PRICKLE2: variants seen among roughly 807,000 people sequenced by gnomAD.
The protein encoded by PRICKLE2 is prickle planar cell polarity protein 2.
PRICKLE2 carries 21 observed loss-of-function variants against 81.4 expected under a neutral mutation model. The observed-to-expected ratio is 0.26, with a 90% CI of 0.18 to 0.37. PRICKLE2 has a LOEUF of 0.37. Among genes scored for constraint, PRICKLE2 ranks in the 10% least tolerant of loss-of-function variants. PRICKLE2 has a pLI of 1.00. For synonymous variants in PRICKLE2, 456 were observed against 421.5 expected (o/e 1.08, Z -1.00); for missense variants, 940 against 1,109.0 (o/e 0.85, Z 2.16).
chr3:64,205,112 A>AAAAC (rs2078660171), intron 1 of PRICKLE2, among the ~76,000 whole-genome samples: 1 of 151,650 alleles, frequency 6.6e-6, no homozygotes, highest in Non-Finnish European at 1.5e-5. Context: ...AAAAAAAAAA[A>AAAAC]AAAACATACA....
intron 6 of PRICKLE2, among the ~76,000 whole-genome samples, chr3:64,152,801 T>C (rs2077568393): frequency 6.6e-6 from 1 of 152,214 alleles, no homozygotes; most frequent in South Asian, 2.1e-4. Context: ...GAAAAGATTC[T>C]TATTTGGAAG....
intron 1 of PRICKLE2, among the ~76,000 whole-genome samples, chr3:64,202,043 T>C (rs1483368130): frequency 1.3e-5 from 2 of 152,198 alleles, no homozygotes; most frequent in Non-Finnish European, 2.9e-5. Flanking sequence ...CTACTGACCA[T>C]AGCTGTAAGA....
At chr3:64,232,477 C>A (rs1024325951) in intron 2 of PRICKLE2, among the ~76,000 whole-genome samples, 1 of 145,718 alleles carries the variant, frequency 6.9e-6, no homozygotes, top group Non-Finnish European at 1.5e-5. Context: ...GTTCAGCTCA[C>A]TGAAACACTT....
At chr3:64,137,204 G>A (rs1021860824) in intron 7 of PRICKLE2, among the ~76,000 whole-genome samples, 1 of 152,030 alleles carries the variant, frequency 6.6e-6, no homozygotes, top group Non-Finnish European at 1.5e-5. Flanking sequence ...AATGGCTTGA[G>A]TTTTAAAGCC....
At position 64,182,886 on chromosome 3, in the gene PRICKLE2, T is replaced by TA. The variant is rs1435988355; in HGVS notation, c.144+15897dup. On this transcript the variant is annotated intron_variant, in intron 2 of 7. Coordinates refer to ENST00000638394, the MANE Select transcript of PRICKLE2 (RefSeq NM_198859.4). ...ATGAAGAAAACTGGGAAGGCTTCAT[T>TA]AAAAAAAATAGAACACAAGAAAACA... 5.3e-5 allele frequency among the ~76,000 whole-genome samples: 8 copies of TA among 151,032 alleles called. 1 individual carries two copies. The highest frequency in any genetic ancestry group is 1.7e-4 in the African/African-American group (7 of 41,062).
At chr3:64,234,089 T>A (rs1016464151) in intron 2 of PRICKLE2, among the ~76,000 whole-genome samples, 2 of 152,178 alleles carry the variant, frequency 1.3e-5, no homozygotes, top group Non-Finnish European at 2.9e-5. Context: ...TTGGGTTGTT[T>A]CCAGTCTTTA....
At chr3:64,137,906 G>T (rs1329176595) in intron 7 of PRICKLE2, among the ~76,000 whole-genome samples, 1 of 152,122 alleles carries the variant, frequency 6.6e-6, no homozygotes, top group Non-Finnish European at 1.5e-5. Flanking sequence ...TAACCATTGA[G>T]TGAGAAGGCT....
At chr3:64,250,944 G>A (rs546130199) in intron 2 of PRICKLE2, among the ~76,000 whole-genome samples, 2 of 152,098 alleles carry the variant, frequency 1.3e-5, no homozygotes, top group African/African-American at 4.8e-5. Flanking sequence ...TTCTTTGCAG[G>A]AGCACCCTCA....
chr3:64,094,924 C>T lies in PRICKLE2; in HGVS notation c.*4127G>A, dbSNP rs2076549544. 1 of 152,636 alleles carries T rather than the reference C, an allele frequency of 6.6e-6. No homozygotes were observed. Among genetic ancestry groups the T allele is most frequent in the African/African-American group, 2.4e-5 (1 of 41,452 alleles). 9.5% of individuals were successfully genotyped at this position (152,636 alleles called of 1,614,324 possible). A position where few individuals can be genotyped will look rare whatever the true frequency, so the allele number is the denominator to read the frequency against. ...AAGCCCTGAAGGTGCAAAACAGTTG[C>T]TAATAGCAACTGTCCTGGCATGAAG... On this transcript the variant is annotated 3_prime_UTR_variant, in exon 8 of 8. Transcript: ENST00000638394.
At chr3:64,103,912 G>A (rs1274942242) in intron 7 of PRICKLE2, among the ~76,000 whole-genome samples, 1 of 152,108 alleles carries the variant, frequency 6.6e-6, no homozygotes. Flanking sequence ...CCCAGGAGGT[G>A]GAGGCTGCAG....
upstream of PRICKLE2, chr3:64,225,520 C>A: frequency 1.1e-6 from 1 of 887,886 alleles, no homozygotes; most frequent in Non-Finnish European, 1.3e-6. Flanking sequence ...TCAGTCACGG[C>A]ATCTGGACGT....
intron 6 of PRICKLE2, among the ~76,000 whole-genome samples, chr3:64,152,818 C>T (rs2077568481): frequency 6.6e-6 from 1 of 152,092 alleles, no homozygotes; most frequent in South Asian, 2.1e-4. Flanking sequence ...GAAGAACTGA[C>T]CTGAAAACTG....
intron 1 of PRICKLE2, among the ~76,000 whole-genome samples, 197 bp downstream of exon 1, chr3:64,224,712 TA>T (rs1430162850): frequency 6.6e-6 from 1 of 152,166 alleles, no homozygotes; most frequent in Admixed American, 6.5e-5. Flanking sequence ...AGCTGTGACA[TA>T]ACACTTTGTA....
intron 2 of PRICKLE2, among the ~76,000 whole-genome samples, chr3:64,181,667 T>C (rs1428595198): frequency 6.6e-6 from 1 of 152,038 alleles, no homozygotes; most frequent in Non-Finnish European, 1.5e-5. Context: ...CCTTTGAAAA[T>C]GGGAGTTTCA....
chr3:64,227,572 A>T (rs758820397), upstream of PRICKLE2, among the ~76,000 whole-genome samples: 13 of 152,218 alleles, frequency 8.5e-5, no homozygotes, highest in Non-Finnish European at 1.8e-4. Flanking sequence ...TACCAACTTC[A>T]TAAGAATTAA....
intron 1 of PRICKLE2, among the ~76,000 whole-genome samples, chr3:64,220,209 T>C (rs2078930422): frequency 6.6e-6 from 1 of 152,198 alleles, no homozygotes; most frequent in Non-Finnish European, 1.5e-5. Flanking sequence ...GATGAATGGA[T>C]GCCAAGAAAA....
intron 2 of PRICKLE2, among the ~76,000 whole-genome samples, chr3:64,248,031 C>T (rs563386431): frequency 1.1e-4 from 16 of 152,244 alleles, no homozygotes; most frequent in Non-Finnish European, 2.1e-4. Context: ...CCCAACCATC[C>T]GCTATAAAAC....
chr3:64,234,883 C>T (rs1575698226), intron 2 of PRICKLE2, among the ~76,000 whole-genome samples: 1 of 152,142 alleles, frequency 6.6e-6, no homozygotes, highest in African/African-American at 2.4e-5. Flanking sequence ...ACTTGGAGTA[C>T]TTTGGCTTCC....
chr3:64,178,990 T>TCTTTCTTTC, intron 2 of PRICKLE2, among the ~76,000 whole-genome samples: 1 of 144,978 alleles, frequency 6.9e-6, no homozygotes, highest in African/African-American at 2.6e-5. Context: ...TTTCTTTCTT[T>TCTTTCTTTC]CTTTCTTTCT....
Sources: gnomAD v4.1 joint callset for allele counts (sites outside exome capture counted in the v4.1 genomes callset) on GRCh38, gnomAD v4.1.1 for gene constraint, MANE v1.5 for transcripts, NCBI Gene and HGNC (gene_info 2026-07-23, HGNC 2026-07-21) for gene names.